Variants in CACNA1D observed in about 807,000 individuals in gnomAD.
The protein encoded by CACNA1D is voltage-dependent L-type calcium channel subunit alpha-1D.
CACNA1D carries 55 observed loss-of-function variants against 257.1 expected under a neutral mutation model. The ratio of observed to expected loss-of-function variants is 0.21; its 90% CI spans 0.17 to 0.27. The LOEUF is 0.27. Among genes scored for constraint, CACNA1D ranks in the 10% least tolerant of loss-of-function variants. The pLI is 1.00. For synonymous variants in CACNA1D, 980 were observed against 1,014.9 expected, an observed-to-expected ratio of 0.97 and a Z score of 0.65; for missense variants, 1,876 against 2,784.0, an observed-to-expected ratio of 0.67 and a Z score of 7.34.
Position 53,811,393 on chromosome 3 carries a change from T to A in CACNA1D, c.6473T>A (p.Ile2158Asn), listed in dbSNP as rs1361280482. ...GACCTGGCGGATGAAATGATATGCA[T>A]CACCACCTTGTAGCCCCCAGCGAGG... ...EEDLADEMICITTL is the reference protein window; with the variant it reads ...EEDLADEMICNTTL The change falls in exon 48 of 48, where the codon ATC becomes AAC. Residue 2158 changes from isoleucine (I) to asparagine (N), a missense_variant. Physicochemically the swap from Ile to Asn is moderately radical, Grantham distance 149. Coordinates refer to ENST00000350061, the MANE Select transcript of CACNA1D (RefSeq NM_001128840.3). The surrounding 1 kb of genome is among the most constrained non-coding windows in gnomAD (Gnocchi z 4.2). The A allele has an allele frequency of 1.3e-6, 2 of 1,569,124 alleles. No homozygotes were observed. Among genetic ancestry groups the A allele is most frequent in the Non-Finnish European group, 1.7e-6 (2 of 1,154,836 alleles).
At chr3:53,511,521 G>A (rs1227838013) in intron 3 of CACNA1D, among the ~76,000 whole-genome samples, 2 of 152,140 alleles carry the variant, frequency 1.3e-5, no homozygotes, top group East Asian at 1.9e-4. Flanking sequence ...CCATGTCTTC[G>A]CCGTGCTTTT....
chr3:53,810,193 C>T lies in CACNA1D; in HGVS notation c.6087C>T (p.Pro2029=), dbSNP rs746231607. 14 of 1,613,842 alleles carry T rather than the reference C, an allele frequency of 8.7e-6. No individual in the cohort carries two copies. The highest frequency in any genetic ancestry group is 1.7e-5 in the Admixed American group (1 of 60,000). The part of the protein sequence containing the change: ...LHRSSWYTDE[P]DISYRTFTPA... ...GCAGCTCCTGGTACACAGACGAGCC[C>T]GACATCTCCTACCGGACTTTCACAC... The change falls in exon 47 of 48, where the codon CCC becomes CCT. Residue 2029 remains proline (P), a synonymous_variant. Transcript: ENST00000350061.
intron 10 of CACNA1D, 26 bp from the exon 11 acceptor site, chr3:53,719,729 C>T: frequency 6.2e-7 from 1 of 1,611,418 alleles, no homozygotes; most frequent in Non-Finnish European, 8.5e-7. Flanking sequence ...GAACCAGAAT[C>T]TTAACACTTT....
rs200018653 is a variant in CACNA1D, at chr3:53,801,089, A to T, written c.5072A>T (p.Asn1691Ile). 2.5e-6 allele frequency: 4 copies of T among 1,613,902 alleles called. No individual in the cohort carries two copies. The South Asian group carries it at 4.4e-5, about 18-fold the overall frequency. ...GGTGCCCTGCTTGGAAACCATGTCA[A>T]TCATGTTAATAGTGATAGGAGAGAT... ...RNGALLGNHV[N>I]HVNSDRRDSL... The change falls in exon 42 of 48, where the codon AAT becomes ATT. Residue 1691 changes from asparagine to isoleucine, a missense_variant. Asn to Ile is a moderately radical substitution (Grantham distance 149, BLOSUM62 -3). Coordinates refer to ENST00000350061, the MANE Select transcript of CACNA1D (RefSeq NM_001128840.3).
intron 11 of CACNA1D, among the ~76,000 whole-genome samples, chr3:53,720,264 C>A (rs1325542112): frequency 1.3e-5 from 2 of 152,160 alleles, no homozygotes; most frequent in Non-Finnish European, 2.9e-5. Context: ...TAAACACTAA[C>A]TTAAAATAGG....
intron 3 of CACNA1D, among the ~76,000 whole-genome samples, chr3:53,542,155 A>G (rs2092312490): frequency 6.6e-6 from 1 of 152,146 alleles, no homozygotes; most frequent in Admixed American, 6.5e-5. Flanking sequence ...TATGTGAATT[A>G]TGTTTCAATG....
At position 53,789,492 on chromosome 3, in the gene CACNA1D, C is replaced by T. The variant is rs770921028; in HGVS notation, c.4923+2540C>T. Among the ~76,000 whole-genome samples the T allele has an allele frequency of 6.6e-6, 1 of 152,142 alleles. No individual in the cohort carries two copies. The highest frequency in any genetic ancestry group is 1.9e-4 in the East Asian group (1 of 5,192). On this transcript the variant is annotated intron_variant, in intron 40 of 47. Transcript: ENST00000350061. This position sits in a 1 kb window ranked among gnomAD's most constrained non-coding sequence, Gnocchi z 4.2. ...TTCTGCGTGATGAAATACCGGGTGA[C>T]GATGTAGCAGTTAGGAAAATTTGGT...
chr3:53,711,739 G>C lies in CACNA1D; in HGVS notation c.1391-6562G>C, dbSNP rs146136630. 2.3e-3 allele frequency among the ~76,000 whole-genome samples: 349 copies of C among 152,332 alleles called. 1 individual carries two copies. Among genetic ancestry groups the C allele is most frequent in the African/African-American group, 8.0e-3 (334 of 41,580 alleles). On this transcript the variant is annotated intron_variant, in intron 9 of 47. Transcript: ENST00000350061. ...GGAACAACCCGTGGATATCTGAAGA[G>C]GGTTATATTAGAGTCTAGGTCTCAT...
In CACNA1D at chr3:53,811,344, C is replaced by G. The variant is rs2095600122; in HGVS notation, c.6424C>G (p.Pro2142Ala). 6.2e-7 allele frequency: 1 copy of G among 1,602,880 alleles called. No homozygotes were observed. The highest frequency in any genetic ancestry group is 8.5e-7 in the Non-Finnish European group (1 of 1,172,510). The change falls in exon 48 of 48, where the codon CCA becomes GCA. Residue 2142 changes from proline (P) to alanine (A), a missense_variant. Pro to Ala is a conservative substitution (Grantham distance 27, BLOSUM62 -1). Around this residue, in one of 10 missense-constraint regions of CACNA1D, gnomAD observed 491 missense variants for 554.3 expected, o/e 0.89. Transcript: ENST00000350061. The surrounding 1 kb of genome is among the most constrained non-coding windows in gnomAD (Gnocchi z 4.2). ...TGGTCCTGGCTACAGCGACGAAGAG[C>G]CAGACCCTGGGAGGGATGAGGAGGA... The part of the protein sequence containing the change: ...DFGPGYSDEE[P>A]DPGRDEEDLA...
rs371361433 is a variant in CACNA1D at position 53,810,274 on chromosome 3, G to A, written c.6168G>A (p.Arg2056=). The A allele has an allele frequency of 6.2e-7, 1 of 1,613,694 alleles. No individual in the cohort carries two copies. The highest frequency in any genetic ancestry group is 1.3e-5 in the African/African-American group (1 of 74,920). The stretch of plus-strand genomic sequence containing the variant: ...GGAACAAAAACAGCGACAAGCAGAG[G>A]AGTGCGGACAGCTTGGTGGAGGCAG... ...SFRNKNSDKQ[R]SADSLVEAVL... Residue 2056 remains arginine, a synonymous_variant, in exon 47 of 48, where the codon AGG becomes AGA. Transcript: ENST00000350061.
intron 3 of CACNA1D, among the ~76,000 whole-genome samples, chr3:53,514,750 T>G (rs1005933066): frequency 6.6e-6 from 1 of 152,112 alleles, no homozygotes; most frequent in African/African-American, 2.4e-5. Flanking sequence ...GGGCACCTGG[T>G]GAAGAGCTGG....
intron 3 of CACNA1D, among the ~76,000 whole-genome samples, chr3:53,537,436 T>A (rs574962712): frequency 1.3e-5 from 2 of 152,360 alleles, no homozygotes; most frequent in African/African-American, 4.8e-5. Flanking sequence ...ATCATTTTTT[T>A]CTCAGGTATA....
intron 3 of CACNA1D, among the ~76,000 whole-genome samples, chr3:53,587,518 G>A (rs1435568994): frequency 1.3e-5 from 2 of 152,180 alleles, no homozygotes; most frequent in Non-Finnish European, 2.9e-5. Context: ...TGCTTTTAAA[G>A]TATGTTATGT....
intron 3 of CACNA1D, among the ~76,000 whole-genome samples, chr3:53,642,143 C>T (rs1451661486): frequency 1.3e-5 from 2 of 152,144 alleles, no homozygotes; most frequent in African/African-American, 4.8e-5. Context: ...CATACAGTGG[C>T]CTCAGGGCCA....
At chr3:53,661,360 T>A (rs1413479278) in intron 5 of CACNA1D, among the ~76,000 whole-genome samples, 1 of 152,238 alleles carries the variant, frequency 6.6e-6, no homozygotes, top group African/African-American at 2.4e-5. Context: ...TTTAACATTT[T>A]AAAATGTAGG....
chr3:53,781,704 G>C (rs778892991), intron 39 of CACNA1D, 37 bp downstream of exon 39: 1 of 1,386,840 alleles, frequency 7.2e-7, no homozygotes, highest in South Asian at 1.2e-5. Flanking sequence ...TCCTTGGCCA[G>C]TGCTTTGGTT....
intron 25 of CACNA1D, 85 bp downstream of exon 25, chr3:53,745,960 T>G: frequency 1.8e-6 from 2 of 1,095,356 alleles, no homozygotes; most frequent in South Asian, 1.3e-5. Context: ...CGTCAGAAGT[T>G]TTGGTCGTGA....
intron 4 of CACNA1D, among the ~76,000 whole-genome samples, chr3:53,659,916 C>T (rs539622707): frequency 3.3e-5 from 5 of 152,264 alleles, no homozygotes; most frequent in Non-Finnish European, 7.4e-5. Flanking sequence ...TGCTCCATTG[C>T]GGTAAAAACA....
intron 40 of CACNA1D, chr3:53,790,981 A>G: frequency 1.4e-6 from 1 of 702,314 alleles, no homozygotes; most frequent in Non-Finnish European, 2.6e-6. Flanking sequence ...TTTGTTTCAG[A>G]TGCTTGAACG....
Sources: allele counts gnomAD v4.1 joint callset (sites outside exome capture counted in the v4.1 genomes callset), GRCh38; gene constraint gnomAD v4.1.1; regional missense constraint gnomAD v4.1.1; non-coding constraint Gnocchi (gnomAD v3.1); transcripts MANE v1.5; gene names NCBI Gene and HGNC (gene_info 2026-07-23, HGNC 2026-07-21).